Variants in FIG4 observed in about 807,000 individuals in gnomAD.
FIG4 encodes the protein FIG4 phosphoinositide 5-phosphatase, also known as polyphosphoinositide phosphatase.
In FIG4, 112 loss-of-function variants were observed where a neutral mutation model predicts 118.6. The ratio of observed to expected loss-of-function variants is 0.94; its 90% confidence interval spans 0.81 to 1.11. The LOEUF (loss-of-function observed/expected upper bound fraction) is 1.11. FIG4 is among the 50% of genes least tolerant of loss of function. FIG4 has a pLI of 0.00. For synonymous variants in FIG4, 369 were observed against 381.2 expected (o/e 0.97, Z 0.37); for missense variants, 969 against 1,111.7 (o/e 0.87, Z 1.83).
At position 109,795,095 on chromosome 6, in the gene FIG4, GTTTTTTTTTTTTTTTTTTTT is replaced by G. The variant is rs571649446; in HGVS notation, c.2460-1649_2460-1630del. Among the ~76,000 whole-genome samples, 172 of 57,238 alleles carry G rather than the reference GTTTTTTTTTTTTTTTTTTTT, an allele frequency of 3.0e-3. 1 individual carries two copies. Among genetic ancestry groups the G allele is most frequent in the African/African-American group, 8.4e-3 (145 of 17,344 alleles). The allele number at this position is 57,238 out of a possible 152,430, so 37.6% of individuals were successfully genotyped here. On this transcript the variant is annotated intron_variant, in intron 21 of 22. Transcript: ENST00000230124. ...TCCTCAAAGCTTCATACACTTGCCA[GTTTTTTTTTTTTTTTTTTTT>G]TTTTTTTTTTTTTTTTTTTTGAGAC...
chr6:109,781,473 G>C (rs918848837), intron 16 of FIG4, among the ~76,000 whole-genome samples: 1 of 152,004 alleles, frequency 6.6e-6, no homozygotes, highest in Non-Finnish European at 1.5e-5. Flanking sequence ...ATAATGGTCA[G>C]CATTTGGTCT....
At chr6:109,811,603 G>A (rs1176436710) in intron 22 of FIG4, among the ~76,000 whole-genome samples, 1 of 152,176 alleles carries the variant, frequency 6.6e-6, no homozygotes, top group Non-Finnish European at 1.5e-5. Flanking sequence ...TAGAAAACAA[G>A]ACTGACAAGA....
At chr6:109,761,204 T>C (rs779229779) in intron 11 of FIG4, among the ~76,000 whole-genome samples, 13 of 152,322 alleles carry the variant, frequency 8.5e-5, no homozygotes, top group Middle Eastern at 6.8e-3. Flanking sequence ...TTAATTATCA[T>C]TTTTCAAACA....
At chr6:109,710,758 A>C (rs979142701) in intron 1 of FIG4, among the ~76,000 whole-genome samples, 15 of 152,264 alleles carry the variant, frequency 9.9e-5, no homozygotes, top group African/African-American at 3.6e-4. Flanking sequence ...TTTCTAGTGT[A>C]TGTGAATAGA....
chr6:109,731,944 G>A (rs2128385057), intron 4 of FIG4, among the ~76,000 whole-genome samples: 1 of 152,250 alleles, frequency 6.6e-6, no homozygotes, highest in East Asian at 1.9e-4. Context: ...GTAATGATTT[G>A]CATACATATT....
At chr6:109,792,520 T>C in intron 20 of FIG4, 62 bp from the exon 21 acceptor site, 2 of 965,922 alleles carry the variant, frequency 2.1e-6, no homozygotes, top group Non-Finnish European at 3.3e-6. Flanking sequence ...TTGGGGAAAT[T>C]ATTGATATGC....
intron 4 of FIG4, among the ~76,000 whole-genome samples, chr6:109,727,970 G>A (rs760712076): frequency 1.2e-4 from 19 of 152,154 alleles, no homozygotes; most frequent in Non-Finnish European, 1.8e-4. Context: ...CGGATTCTGG[G>A]TTAAAAGTGC....
At chr6:109,733,540 A>G (rs183410779) in intron 5 of FIG4, among the ~76,000 whole-genome samples, 2 of 152,240 alleles carry the variant, frequency 1.3e-5, no homozygotes, top group African/African-American at 4.8e-5. Context: ...TGCATTAAAA[A>G]TTATTTTAAA....
chr6:109,772,152 C>G (rs1777486156), intron 15 of FIG4, among the ~76,000 whole-genome samples: 1 of 152,204 alleles, frequency 6.6e-6, no homozygotes, highest in Non-Finnish European at 1.5e-5. Flanking sequence ...TCTTACTCAA[C>G]CTTTCAACAA....
At chr6:109,797,539 A>G (rs1360151379) in intron 22 of FIG4, among the ~76,000 whole-genome samples, 1 of 152,164 alleles carries the variant, frequency 6.6e-6, no homozygotes, top group Non-Finnish European at 1.5e-5. Flanking sequence ...CTAACAAAGC[A>G]AAGGGTTGTG....
At chr6:109,701,409 C>G (rs979025354) in intron 1 of FIG4, among the ~76,000 whole-genome samples, 1 of 152,124 alleles carries the variant, frequency 6.6e-6, no homozygotes, top group Non-Finnish European at 1.5e-5. Context: ...TGCAGTTTGC[C>G]TTTACAAGAA....
intron 4 of FIG4, among the ~76,000 whole-genome samples, chr6:109,728,348 G>C (rs1225978752): frequency 1.3e-5 from 2 of 152,058 alleles, no homozygotes; most frequent in Admixed American, 6.6e-5. Flanking sequence ...TATCTGAAAT[G>C]TTCAAAAGTT....
intron 1 of FIG4, among the ~76,000 whole-genome samples, chr6:109,708,763 G>C (rs1011986932): frequency 2.6e-5 from 4 of 152,006 alleles, no homozygotes; most frequent in African/African-American, 7.3e-5. Context: ...CTGCATGTAT[G>C]TCTTCTTTAG....
At chr6:109,795,486 G>A (rs1422950670) in intron 21 of FIG4, among the ~76,000 whole-genome samples, 1 of 149,068 alleles carries the variant, frequency 6.7e-6, no homozygotes, top group Non-Finnish European at 1.5e-5. Context: ...CTTTAAAAAA[G>A]CTAATGAAAA....
chr6:109,770,306 A>C (rs1479548009), intron 15 of FIG4, among the ~76,000 whole-genome samples: 1 of 152,148 alleles, frequency 6.6e-6, no homozygotes, highest in Non-Finnish European at 1.5e-5. Flanking sequence ...AAAAAAAGAT[A>C]AGAAACCTAC....
chr6:109,749,588 T>TAATAAAATAAAATAA (rs56866401), intron 10 of FIG4, among the ~76,000 whole-genome samples: 50,535 of 141,480 alleles, frequency 0.36, 9,574 homozygotes, highest in African/African-American at 0.41. Flanking sequence ...CCTGCCTCAA[T>TAATAAAATAAAATAA]AATAAAATAA....
intron 22 of FIG4, among the ~76,000 whole-genome samples, chr6:109,819,860 G>T (rs962410059): frequency 5.3e-5 from 8 of 152,186 alleles, no homozygotes; most frequent in African/African-American, 1.9e-4. Flanking sequence ...ACAGCTGTGT[G>T]AGGTAGGAAT....
At chr6:109,820,425 C>T (rs1021589737) in intron 22 of FIG4, among the ~76,000 whole-genome samples, 4 of 152,192 alleles carry the variant, frequency 2.6e-5, no homozygotes, top group African/African-American at 9.7e-5. Flanking sequence ...CCCCAAGTCT[C>T]CCATCACTCA....
chr6:109,695,593 C>T (rs1367672147), intron 1 of FIG4, among the ~76,000 whole-genome samples: 2 of 150,990 alleles, frequency 1.3e-5, no homozygotes, highest in South Asian at 2.1e-4. Context: ...CACACACACA[C>T]ACACACAGAC....
Sources: gnomAD v4.1 joint callset for allele counts (sites outside exome capture counted in the v4.1 genomes callset) on GRCh38, gnomAD v4.1.1 for gene constraint, MANE v1.5 for transcripts, NCBI Gene and HGNC (gene_info 2026-07-23, HGNC 2026-07-21) for gene names.